The following RNF144A variants were observed in gnomAD, a reference collection of about 807,000 sequenced individuals.
RNF144A encodes the protein ring finger protein 144A.
A neutral mutation model predicts 38.7 loss-of-function variants in RNF144A; 11 were observed. The observed-to-expected ratio is 0.28, with a 90% CI of 0.18 to 0.47. The LOEUF (loss-of-function observed/expected upper bound fraction) is 0.47, where lower values mean the gene tolerates loss of function less well. Ranked by LOEUF, RNF144A falls within the 20% of genes least tolerant of loss-of-function variation. The probability of loss-of-function intolerance (pLI) is 0.99; values close to 1 mark genes in which losing one functional copy is unlikely to be tolerated. For missense variants in RNF144A, 316 were observed against 377.2 expected (o/e 0.84, Z 1.34); for synonymous variants, 149 against 143.9 (o/e 1.04, Z -0.25).
intron 2 of RNF144A, among the ~76,000 whole-genome samples, chr2:6,985,019 C>G (rs1668860309): frequency 6.6e-6 from 1 of 152,198 alleles, no homozygotes; most frequent in Non-Finnish European, 1.5e-5. Flanking sequence ...TTCCCATGCT[C>G]TCTTCTGTTC....
the RNF144A span, among the ~76,000 whole-genome samples, chr2:7,073,666 A>G: frequency 1.3e-5 from 2 of 152,252 alleles, no homozygotes; most frequent in African/African-American, 4.8e-5. Flanking sequence ...AAAGATTATA[A>G]CAAGCTGTTG....
chr2:7,005,605 G>T lies in RNF144A; in HGVS notation c.135+8544G>T, dbSNP rs143673330. Among the ~76,000 whole-genome samples, 320 of 152,292 alleles carry T rather than the reference G, an allele frequency of 2.1e-3. 2 individuals are homozygous for T. The highest frequency in any genetic ancestry group is 7.3e-3 in the African/African-American group (305 of 41,544). On this transcript the variant is annotated intron_variant, in intron 3 of 8. Coordinates refer to ENST00000320892, the MANE Select transcript of RNF144A (RefSeq NM_014746.6). ...AGCTGCCTCTGCAAGTCTGTTCCGT[G>T]TTCCCAGAACACAGAACAGCTTCCT...
chr2:6,953,351 C>T (rs1666805630), intron 2 of RNF144A, among the ~76,000 whole-genome samples: 1 of 152,114 alleles, frequency 6.6e-6, no homozygotes, highest in Non-Finnish European at 1.5e-5. Context: ...ATTGCTTGAA[C>T]CCAGGAGGTG....
intron 6 of RNF144A, among the ~76,000 whole-genome samples, chr2:7,056,132 TTC>T: frequency 6.6e-6 from 1 of 152,334 alleles, no homozygotes; most frequent in South Asian, 2.1e-4. Context: ...GTGGTCTTGG[TTC>T]TCTTACAAAT....
intron 3 of RNF144A, among the ~76,000 whole-genome samples, chr2:6,997,836 T>C (rs1669858938): frequency 6.6e-6 from 1 of 152,188 alleles, no homozygotes; most frequent in African/African-American, 2.4e-5. Flanking sequence ...GTTGCAGTTA[T>C]ACAGGTTGAA....
chr2:6,988,590 G>A (rs1669106576), intron 2 of RNF144A, among the ~76,000 whole-genome samples: 1 of 152,190 alleles, frequency 6.6e-6, no homozygotes, highest in South Asian at 2.1e-4. Context: ...ATCCTGGTGG[G>A]GGTGAGGGGT....
rs566474403 is a variant in RNF144A, at chr2:6,949,941, CATT to C, written c.-12+8810_-12+8812del. Among the ~76,000 whole-genome samples, 11 of 151,920 alleles carry C rather than the reference CATT, an allele frequency of 7.2e-5. No individual in the cohort carries two copies. In the East Asian group the frequency reaches 1.9e-3, roughly 27 times the overall value. On this transcript the variant is annotated intron_variant, in intron 2 of 8. Transcript: ENST00000320892. ...CAGAGAAAACCACTATCATCATCAC[CATT>C]ATTATTATTATTATTTTTTTATTTA...
chr2:7,015,588 G>T (rs372410158), intron 5 of RNF144A, among the ~76,000 whole-genome samples: 1 of 152,216 alleles, frequency 6.6e-6, no homozygotes, highest in South Asian at 2.1e-4. Flanking sequence ...GTCCAGGAGA[G>T]GTCTTTAGCT....
intron 5 of RNF144A, among the ~76,000 whole-genome samples, chr2:7,016,868 G>T (rs1036295962): frequency 6.6e-6 from 1 of 152,134 alleles, no homozygotes; most frequent in Non-Finnish European, 1.5e-5. Context: ...TCTATGGTTA[G>T]GTCATGTTGC....
chr2:7,014,287 A>G (rs1671002250), intron 3 of RNF144A, among the ~76,000 whole-genome samples, 167 bp from the exon 4 acceptor site: 1 of 152,230 alleles, frequency 6.6e-6, no homozygotes, highest in South Asian at 2.1e-4. Context: ...TAGTTGTTGA[A>G]TGAATAAAAC....
intron 2 of RNF144A, among the ~76,000 whole-genome samples, chr2:6,974,603 G>A (rs1423855788): frequency 1.3e-5 from 2 of 151,650 alleles, no homozygotes; most frequent in Non-Finnish European, 2.9e-5. Context: ...CTGAAAGGCT[G>A]GCACTGTGAA....
intron 1 of RNF144A, among the ~76,000 whole-genome samples, chr2:6,934,804 A>C (rs1162508305): frequency 6.6e-6 from 1 of 152,230 alleles, no homozygotes; most frequent in African/African-American, 2.4e-5. Flanking sequence ...CTGCAGCTGG[A>C]CATGGGTTGC....
chr2:7,000,364 G>A (rs753578414), intron 3 of RNF144A, among the ~76,000 whole-genome samples: 4 of 152,208 alleles, frequency 2.6e-5, no homozygotes, highest in African/African-American at 4.8e-5. Context: ...TTGTGGACAC[G>A]TATTTTGAAA....
rs913573494 is a variant in RNF144A, at chr2:6,944,132, G to A, written c.-12+2985G>A. Among the ~76,000 whole-genome samples the A allele has an allele frequency of 5.9e-5, 9 of 152,178 alleles. No individual in the cohort carries two copies. The highest frequency in any genetic ancestry group is 1.2e-4 in the Non-Finnish European group (8 of 68,018). On this transcript the variant is annotated intron_variant, in intron 2 of 8. Coordinates refer to ENST00000320892, the MANE Select transcript of RNF144A (RefSeq NM_014746.6). The surrounding 1 kb of genome is among the most constrained non-coding windows in gnomAD (Gnocchi z 4.7). ...GCACTGAGACAGGGAAGTGAGGAGA[G>A]AGGACAGCGGGTCTGAGGGAGGAAG...
At chr2:6,981,041 G>A (rs915830967) in intron 2 of RNF144A, among the ~76,000 whole-genome samples, 3 of 152,214 alleles carry the variant, frequency 2.0e-5, no homozygotes, top group African/African-American at 7.2e-5. Flanking sequence ...TGTAGCAGCT[G>A]GAACCCAGGG....
intron 2 of RNF144A, among the ~76,000 whole-genome samples, chr2:6,977,156 G>A (rs1271732184): frequency 6.6e-6 from 1 of 152,212 alleles, no homozygotes; most frequent in East Asian, 1.9e-4. Context: ...CTATAACCAA[G>A]TTATTACAAT....
At chr2:6,985,913 A>G (rs1394674637) in intron 2 of RNF144A, among the ~76,000 whole-genome samples, 1 of 152,072 alleles carries the variant, frequency 6.6e-6, no homozygotes, top group African/African-American at 2.4e-5. Context: ...TGACCTCATG[A>G]TCCGCCCACC....
At chr2:6,972,278 A>C (rs1419946495) in intron 2 of RNF144A, among the ~76,000 whole-genome samples, 1 of 152,224 alleles carries the variant, frequency 6.6e-6, no homozygotes, top group Non-Finnish European at 1.5e-5. Context: ...ATTGAGTGAC[A>C]GTCTGAGATG....
rs138720495 is a variant in RNF144A at position 7,000,224 on chromosome 2, G to A, written c.135+3163G>A. On this transcript the variant is annotated intron_variant, in intron 3 of 8. Transcript: ENST00000320892. ...TGAGAGCTACCAGATATCTTAAATT[G>A]TTCCATTTGGATTAGTGTGAAGTCT... Among the ~76,000 whole-genome samples, 235 of 152,316 alleles carry A rather than the reference G, an allele frequency of 1.5e-3. 1 individual carries two copies. The highest frequency in any genetic ancestry group is 5.4e-3 in the African/African-American group (226 of 41,576).
Sources: gnomAD v4.1 joint callset for allele counts (sites outside exome capture counted in the v4.1 genomes callset) on GRCh38, gnomAD v4.1.1 for gene constraint, Gnocchi (gnomAD v3.1) non-coding constraint, MANE v1.5 for transcripts, NCBI Gene and HGNC (gene_info 2026-07-23, HGNC 2026-07-21) for gene names.